The following MAP7 variants were observed in gnomAD, a reference collection of about 807,000 sequenced individuals.
The protein encoded by MAP7 is ensconsin.
In MAP7, 52 loss-of-function variants were observed where a neutral mutation model predicts 94.8. The observed-to-expected ratio is 0.55, with a 90% CI of 0.44 to 0.69. MAP7 has a LOEUF of 0.69. Ranked by LOEUF, MAP7 falls within the 30% of genes least tolerant of loss-of-function variation. MAP7 has a pLI of 0.00. For missense variants in MAP7, 940 were observed against 964.6 expected, an observed-to-expected ratio of 0.97 and a Z score of 0.34; for synonymous variants, 350 against 357.0, an observed-to-expected ratio of 0.98 and a Z score of 0.22.
At chr6:136,434,598 ATT>A (rs3839511) in intron 1 of MAP7, among the ~76,000 whole-genome samples, 10 of 145,592 alleles carry the variant, frequency 6.9e-5, no homozygotes, top group East Asian at 2.0e-4. Flanking sequence ...TAGGCAAGGA[ATT>A]TTTTTTTTTT....
chr6:136,354,718 G>A (rs905106630), intron 16 of MAP7, among the ~76,000 whole-genome samples: 45 of 152,102 alleles, frequency 3.0e-4, no homozygotes, highest in African/African-American at 1.1e-3. Flanking sequence ...GATGACACCA[G>A]TAAGTTCATT....
At chr6:136,498,116 C>T (rs1818834269) in intron 1 of MAP7, among the ~76,000 whole-genome samples, 1 of 152,072 alleles carries the variant, frequency 6.6e-6, no homozygotes, top group Admixed American at 6.5e-5. Context: ...AAAGCTACAC[C>T]TTTTCCCCAG....
intron 3 of MAP7, among the ~76,000 whole-genome samples, chr6:136,406,133 TC>T (rs1052900440): frequency 6.6e-6 from 1 of 152,162 alleles, no homozygotes; most frequent in Non-Finnish European, 1.5e-5. Context: ...ATACTCTGGT[TC>T]TAGTAATGGT....
intron 7 of MAP7, among the ~76,000 whole-genome samples, chr6:136,374,136 T>C (rs9402805): frequency 0.048 from 7,292 of 152,304 alleles, 352 homozygotes; most frequent in African/African-American, 0.12. Context: ...AAAACACTTT[T>C]TCATTTCTTC....
intron 16 of MAP7, among the ~76,000 whole-genome samples, chr6:136,351,236 TAAAA>T (rs534706295): frequency 8.3e-6 from 1 of 120,214 alleles, no homozygotes; most frequent in African/African-American, 3.3e-5. Context: ...GTTTTGATGG[TAAAA>T]AAAAAAAAAA....
At chr6:136,487,752 T>C (rs1382563678) in intron 1 of MAP7, among the ~76,000 whole-genome samples, 2 of 151,866 alleles carry the variant, frequency 1.3e-5, no homozygotes, top group African/African-American at 2.4e-5. Flanking sequence ...ATCAGAAAAA[T>C]GCATGTTACA....
In MAP7 at chr6:136,526,120, T is replaced by C. The variant is rs200740312; in HGVS notation, c.67+24222A>G. On this transcript the variant is annotated intron_variant, in intron 1 of 17. Transcript: ENST00000354570. ...TATGGGTAAACAGTTTGCAAACAGCTGACAGATAGTACCAGCCACTTGGCA... is the reference window on the plus strand; with the variant it reads ...TATGGGTAAACAGTTTGCAAACAGCCGACAGATAGTACCAGCCACTTGGCA... 104 of 1,348,784 alleles carry C rather than the reference T, an allele frequency of 7.7e-5. No homozygotes were observed. The East Asian group carries it at 2.7e-3, about 35-fold the overall frequency. 83.6% of individuals were successfully genotyped at this position (1,348,784 alleles called of 1,614,324 possible). A position where few individuals can be genotyped will look rare whatever the true frequency, so the allele number is the denominator to read the frequency against.
chr6:136,389,423 C>G lies in MAP7; in HGVS notation c.339G>C (p.Gln113His), dbSNP rs762128390. 7 of 1,597,950 alleles carry G rather than the reference C, an allele frequency of 4.4e-6. No homozygotes were observed. The East Asian group carries it at 1.6e-4, about 36-fold the overall frequency. Residue 113 changes from glutamine to histidine, a missense_variant, in exon 4 of 18, where the codon CAG (glutamine) becomes CAC (histidine). Coordinates refer to ENST00000354570, the MANE Select transcript of MAP7 (RefSeq NM_003980.6). ...LEERKKRLEE[Q>H]RQKEERRRAA... ...CCCTCCTCCGCTCCTCCTTCTGCCT[C>G]TGCTCCTCCAACCTCTTCTTCCGCT...
At chr6:136,421,630 T>A in intron 2 of MAP7, 71 bp downstream of exon 2, 1 of 1,393,238 alleles carries the variant, frequency 7.2e-7, no homozygotes, top group Non-Finnish European at 1.0e-6. Context: ...TAAACCTTTA[T>A]AATCATCAGC....
intron 1 of MAP7, among the ~76,000 whole-genome samples, chr6:136,532,473 T>C (rs544320361): frequency 3.1e-4 from 47 of 152,268 alleles, no homozygotes; most frequent in African/African-American, 1.1e-3. Context: ...TTAGTGGAAG[T>C]GTAAATTTAG....
intron 2 of MAP7, among the ~76,000 whole-genome samples, chr6:136,412,650 G>A (rs373985976): frequency 3.9e-5 from 6 of 152,216 alleles, no homozygotes; most frequent in Admixed American, 2.0e-4. Context: ...GAGATCTGAG[G>A]GACTGGAACA....
intron 5 of MAP7, among the ~76,000 whole-genome samples, chr6:136,384,542 G>A (rs961263946): frequency 6.6e-6 from 1 of 150,784 alleles, no homozygotes; most frequent in African/African-American, 2.4e-5. Flanking sequence ...TGGCCAGGCT[G>A]GCATGATCAT....
intron 1 of MAP7, among the ~76,000 whole-genome samples, chr6:136,446,400 C>T (rs549095880): frequency 6.6e-6 from 1 of 152,338 alleles, no homozygotes; most frequent in African/African-American, 2.4e-5. Context: ...AAGGGACACA[C>T]CACCATCCAG....
At chr6:136,454,539 C>T (rs1403239368) in intron 1 of MAP7, among the ~76,000 whole-genome samples, 4 of 151,908 alleles carry the variant, frequency 2.6e-5, no homozygotes, top group African/African-American at 9.7e-5. Flanking sequence ...CTCAAGCGAC[C>T]CTCACGCCTT....
chr6:136,546,605 T>C (rs530588367), intron 1 of MAP7, among the ~76,000 whole-genome samples: 9 of 152,294 alleles, frequency 5.9e-5, no homozygotes, highest in African/African-American at 2.2e-4. Flanking sequence ...TGATTCCTCC[T>C]TCACTGAACT....
At chr6:136,412,081 G>C (rs182203471) in intron 2 of MAP7, among the ~76,000 whole-genome samples, 9 of 152,286 alleles carry the variant, frequency 5.9e-5, no homozygotes, top group South Asian at 2.1e-4. Flanking sequence ...AAATGTTTGA[G>C]AGTTAGAGGT....
chr6:136,486,684 T>G (rs1394027496), intron 1 of MAP7, among the ~76,000 whole-genome samples: 1 of 152,162 alleles, frequency 6.6e-6, no homozygotes, highest in East Asian at 1.9e-4. Context: ...AGCTCAGACC[T>G]TAGGGTTCAT....
At chr6:136,398,705 A>T (rs533649807) in intron 3 of MAP7, among the ~76,000 whole-genome samples, 25 of 152,240 alleles carry the variant, frequency 1.6e-4, no homozygotes, top group Non-Finnish European at 2.8e-4. Context: ...TACGATTCTG[A>T]GGTCTCCTCA....
At chr6:136,404,588 C>T (rs1785058785) in intron 3 of MAP7, among the ~76,000 whole-genome samples, 1 of 152,110 alleles carries the variant, frequency 6.6e-6, no homozygotes, top group African/African-American at 2.4e-5. Context: ...CTATGTCAGT[C>T]CATCATACAT....
Sources: gnomAD v4.1 joint callset for allele counts (sites outside exome capture counted in the v4.1 genomes callset) on GRCh38, gnomAD v4.1.1 for gene constraint, MANE v1.5 for transcripts, NCBI Gene and HGNC (gene_info 2026-07-23, HGNC 2026-07-21) for gene names.